Variants in MICU1 observed in about 807,000 individuals in gnomAD.
The protein encoded by MICU1 is calcium uptake protein 1, mitochondrial.
Under a neutral mutation model 56.8 loss-of-function variants are expected in MICU1, and 45 were observed. The observed-to-expected ratio is 0.79, with a 90% CI of 0.62 to 1.02. The LOEUF is 1.02. Ranked by LOEUF, MICU1 falls within the 50% of genes least tolerant of loss-of-function variation. The probability of loss-of-function intolerance (pLI) is 0.00; values close to 1 mark genes in which losing one functional copy is unlikely to be tolerated. For synonymous variants in MICU1, 186 were observed against 195.1 expected (o/e 0.95, Z 0.39); for missense variants, 504 against 587.1 (o/e 0.86, Z 1.46).
chr10:72,448,327 C>A (rs1007783457), intron 8 of MICU1, among the ~76,000 whole-genome samples: 26 of 149,744 alleles, frequency 1.7e-4, no homozygotes, highest in African/African-American at 6.1e-4. Context: ...GTGCCCACCA[C>A]CATGCCCAGC....
rs377737952 is a variant in MICU1, at chr10:72,411,650, G to C, written c.1072-3613C>G. ...GGTATAAAATCCTGTAGGAGTTAGA[G>C]AGTTAGGGGACTAAGTTATTGAAAG... On this transcript the variant is annotated intron_variant, in intron 9 of 11. Coordinates refer to ENST00000361114, the MANE Select transcript of MICU1 (RefSeq NM_001195518.2). Among the ~76,000 whole-genome samples, 5 of 152,232 alleles carry C rather than the reference G, an allele frequency of 3.3e-5. 1 individual carries two copies. The highest frequency in any genetic ancestry group is 1.2e-4 in the African/African-American group (5 of 41,560).
chr10:72,617,409 G>A (rs772701481), intron 1 of MICU1, among the ~76,000 whole-genome samples: 1 of 152,104 alleles, frequency 6.6e-6, no homozygotes, highest in Non-Finnish European at 1.5e-5. Context: ...ACTACTCTGT[G>A]AGGGGTACTA....
At chr10:72,549,482 C>T (rs1390282382) in intron 4 of MICU1, among the ~76,000 whole-genome samples, 2 of 152,068 alleles carry the variant, frequency 1.3e-5, no homozygotes, top group Admixed American at 6.6e-5. Context: ...TGAGCCACAG[C>T]GCCTGGCCCA....
intron 3 of MICU1, among the ~76,000 whole-genome samples, chr10:72,554,460 G>A (rs1181878429): frequency 6.6e-6 from 1 of 152,110 alleles, no homozygotes; most frequent in Non-Finnish European, 1.5e-5. Flanking sequence ...AGAGAAACAC[G>A]CTGAATTGCA....
intron 5 of MICU1, among the ~76,000 whole-genome samples, chr10:72,523,587 C>T (rs1042357952): frequency 1.3e-5 from 2 of 151,824 alleles, no homozygotes; most frequent in Non-Finnish European, 1.5e-5. Context: ...TAAAGAGCAC[C>T]CTGTGGTCTT....
chr10:72,421,365 C>A (rs1048333130), intron 9 of MICU1, among the ~76,000 whole-genome samples: 7 of 151,756 alleles, frequency 4.6e-5, no homozygotes, highest in Admixed American at 2.0e-4. Context: ...CCCTCCCTTC[C>A]CCGGGTTCAA....
intron 2 of MICU1, among the ~76,000 whole-genome samples, chr10:72,563,446 C>A (rs1245114954): frequency 6.6e-6 from 1 of 152,070 alleles, no homozygotes; most frequent in Non-Finnish European, 1.5e-5. Flanking sequence ...ATCTTGAGGG[C>A]GTTATGCTAA....
chr10:72,541,483 T>TG (rs1839772152), intron 4 of MICU1, among the ~76,000 whole-genome samples: 2 of 152,322 alleles, frequency 1.3e-5, no homozygotes, highest in South Asian at 4.1e-4. Context: ...GGCAACTGAA[T>TG]GACCCCACCC....
intron 6 of MICU1, among the ~76,000 whole-genome samples, chr10:72,506,730 A>C (rs894813119): frequency 6.6e-6 from 1 of 152,210 alleles, no homozygotes; most frequent in African/African-American, 2.4e-5. Context: ...TTTTACAGAC[A>C]CAACAGAAGA....
intron 1 of MICU1, among the ~76,000 whole-genome samples, chr10:72,593,318 A>G (rs56280550): frequency 0.58 from 88,757 of 151,830 alleles, 27,244 homozygotes; most frequent in Non-Finnish European, 0.68. Flanking sequence ...AACAAAAAGC[A>G]GCCAGGCGTG....
intron 3 of MICU1, among the ~76,000 whole-genome samples, chr10:72,562,172 G>GAGACT (rs1840315836): frequency 1.0e-4 from 1 of 9,604 alleles, no homozygotes; most frequent in East Asian, 1.3e-3. Context: ...TTTTTTTTTT[G>GAGACT]AGACTCAGTC....
At chr10:72,491,801 T>C (rs1344767032) in intron 6 of MICU1, among the ~76,000 whole-genome samples, 2 of 152,166 alleles carry the variant, frequency 1.3e-5, no homozygotes, top group African/African-American at 4.8e-5. Context: ...TCCTTTTTTT[T>C]TAATTTCTGC....
rs11338457 is a variant in MICU1 at position 72,529,946 on chromosome 10, C to CTTTT, written c.537+3796_537+3799dup. The stretch of plus-strand genomic sequence containing the variant: ...AATACATGGATACTAGGGGAAGGTG[C>CTTTT]TTTTTTTTTTTTTTTTTTTTTTTCT... On this transcript the variant is annotated intron_variant, in intron 5 of 11. Coordinates refer to ENST00000361114, the MANE Select transcript of MICU1 (RefSeq NM_001195518.2). 7.1e-3 allele frequency among the ~76,000 whole-genome samples: 713 copies of CTTTT among 100,818 alleles called. 6 individuals are homozygous for CTTTT. Among genetic ancestry groups the CTTTT allele is most frequent in the Non-Finnish European group, 9.4e-3 (490 of 51,996 alleles). The allele number at this position is 100,818 out of a possible 152,430, so 66.1% of individuals were successfully genotyped here. A position where few individuals can be genotyped will look rare whatever the true frequency, so the allele number is the denominator to read the frequency against.
chr10:72,524,652 A>C, intron 5 of MICU1: 1 of 975,768 alleles, frequency 1.0e-6, no homozygotes, highest in African/African-American at 1.7e-5. Flanking sequence ...CATATGCATC[A>C]TGCGCTGAAC....
At chr10:72,497,121 G>A (rs926702903) in intron 6 of MICU1, among the ~76,000 whole-genome samples, 2 of 151,456 alleles carry the variant, frequency 1.3e-5, no homozygotes, top group African/African-American at 2.4e-5. Context: ...GTGTGGTGGC[G>A]CCATCTCAGC....
chr10:72,403,744 C>T (rs1863538195), intron 10 of MICU1, among the ~76,000 whole-genome samples: 1 of 151,742 alleles, frequency 6.6e-6, no homozygotes, highest in Admixed American at 6.6e-5. Context: ...CAACCTCTGC[C>T]TCCTGGGTTC....
At chr10:72,460,386 T>G (rs1371825362) in intron 8 of MICU1, among the ~76,000 whole-genome samples, 1 of 152,168 alleles carries the variant, frequency 6.6e-6, no homozygotes, top group African/African-American at 2.4e-5. Flanking sequence ...ATGACTGAAC[T>G]AGTTTATATT....
At chr10:72,619,880 T>C (rs76192182) in intron 1 of MICU1, among the ~76,000 whole-genome samples, 6,386 of 151,990 alleles carry the variant, frequency 0.042, 453 homozygotes, top group African/African-American at 0.14. Context: ...ATGGTGAACA[T>C]GGGGAGGAAA....
chr10:72,537,185 T>C (rs1338285893), intron 4 of MICU1, among the ~76,000 whole-genome samples: 1 of 152,190 alleles, frequency 6.6e-6, no homozygotes, highest in Non-Finnish European at 1.5e-5. Context: ...AAAGAAATGA[T>C]TATTTCACCT....
Sources: allele counts gnomAD v4.1 joint callset (sites outside exome capture counted in the v4.1 genomes callset), GRCh38; gene constraint gnomAD v4.1.1; transcripts MANE v1.5; gene names NCBI Gene and HGNC (gene_info 2026-07-23, HGNC 2026-07-21).